TYW1B: variants seen among roughly 807,000 people sequenced by gnomAD.
TYW1B encodes S-adenosyl-L-methionine-dependent tRNA 4-demethylwyosine synthase TYW1B.
Under a neutral mutation model 86.9 loss-of-function variants are expected in TYW1B, and 73 were observed. The observed-to-expected ratio is 0.84, with a 90% CI of 0.70 to 1.02. TYW1B has a LOEUF of 1.02. Ranked by LOEUF, TYW1B falls within the 50% of genes least tolerant of loss-of-function variation. The probability of loss-of-function intolerance (pLI) is 0.00; values close to 1 mark genes in which losing one functional copy is unlikely to be tolerated. For synonymous variants in TYW1B, 248 were observed against 292.8 expected (o/e 0.85, Z 1.56); for missense variants, 637 against 827.4 (o/e 0.77, Z 2.82).
rs1261761886 is a variant in TYW1B at position 72,574,955 on chromosome 7, G to C, written c.*543C>G. The stretch of plus-strand genomic sequence containing the variant: ...AATAAACCAAAACTCAATCTATGCA[G>C]TATTTAAAAAATAATTGAGAGTTGT... On this transcript the variant is annotated 3_prime_UTR_variant, in exon 14 of 14. Coordinates refer to ENST00000620995, the MANE Select transcript of TYW1B (RefSeq NM_001145440.3). The C allele has an allele frequency of 1.0e-6, 1 of 988,254 alleles. No homozygotes were observed. The highest frequency in any genetic ancestry group is 1.2e-6 in the Non-Finnish European group (1 of 831,654). The allele number at this position is 988,254 out of a possible 1,614,324, so 61.2% of individuals were successfully genotyped here. A position where few individuals can be genotyped will look rare whatever the true frequency, so the allele number is the denominator to read the frequency against.
chr7:72,641,401 T>A (rs1812796953), intron 11 of TYW1B, among the ~76,000 whole-genome samples: 3 of 152,172 alleles, frequency 2.0e-5, no homozygotes, highest in South Asian at 4.1e-4. Context: ...ATTATCTTCA[T>A]AACAAACCAG....
chr7:72,770,964 T>C (rs1264028224), intron 7 of TYW1B, among the ~76,000 whole-genome samples: 1 of 127,008 alleles, frequency 7.9e-6, no homozygotes, highest in Non-Finnish European at 1.6e-5. Context: ...TTTTTTTTTT[T>C]TTTTTTTTTT....
chr7:72,745,799 C>A (rs1554463675), intron 7 of TYW1B, among the ~76,000 whole-genome samples: 2 of 151,370 alleles, frequency 1.3e-5, no homozygotes, highest in African/African-American at 4.9e-5. Flanking sequence ...CAACAACGAA[C>A]AAGCAGAAGG....
chr7:72,605,175 C>T (rs1442370429), intron 13 of TYW1B, among the ~76,000 whole-genome samples: 4 of 152,116 alleles, frequency 2.6e-5, no homozygotes, highest in Non-Finnish European at 5.9e-5. Context: ...GCACTGCAAA[C>T]GACCACGAAG....
At chr7:72,642,079 T>C (rs1335158706) in intron 11 of TYW1B, among the ~76,000 whole-genome samples, 2 of 152,186 alleles carry the variant, frequency 1.3e-5, no homozygotes, top group Admixed American at 6.5e-5. Context: ...CCCATACACT[T>C]AGCGGCCAAT....
intron 2 of TYW1B, among the ~76,000 whole-genome samples, chr7:72,819,937 A>T (rs1788795935): frequency 6.6e-6 from 1 of 152,144 alleles, no homozygotes; most frequent in African/African-American, 2.4e-5. Context: ...CAGAAACCCT[A>T]CAATCCAGAA....
At chr7:72,819,145 T>C (rs546532335) in intron 2 of TYW1B, among the ~76,000 whole-genome samples, 8 of 152,066 alleles carry the variant, frequency 5.3e-5, no homozygotes, top group African/African-American at 1.4e-4. Context: ...TGGAGGTTAT[T>C]AAGACTGAAA....
chr7:72,656,992 A>G (rs1237979142), intron 11 of TYW1B, among the ~76,000 whole-genome samples: 1 of 152,198 alleles, frequency 6.6e-6, no homozygotes, highest in Non-Finnish European at 1.5e-5. Context: ...GAGGGGACAA[A>G]CAACCAAACA....
intron 11 of TYW1B, among the ~76,000 whole-genome samples, chr7:72,631,079 T>C (rs1812474879): frequency 6.6e-6 from 1 of 151,796 alleles, no homozygotes. Flanking sequence ...TTAAAAGCCA[T>C]CCCTGCTTTT....
chr7:72,620,041 C>T (rs1225312839), intron 12 of TYW1B, among the ~76,000 whole-genome samples: 1 of 152,150 alleles, frequency 6.6e-6, no homozygotes, highest in Non-Finnish European at 1.5e-5. Context: ...CCACCCATTC[C>T]TTACAACTCT....
intron 7 of TYW1B, among the ~76,000 whole-genome samples, chr7:72,745,878 G>T (rs1787386325): frequency 6.6e-6 from 1 of 151,380 alleles, no homozygotes; most frequent in Non-Finnish European, 1.5e-5. Context: ...GTGTGTGTGT[G>T]TGTGTGTGTG....
intron 13 of TYW1B, among the ~76,000 whole-genome samples, chr7:72,579,272 A>G (rs1375264149): frequency 1.3e-5 from 2 of 152,166 alleles, no homozygotes; most frequent in African/African-American, 4.8e-5. Context: ...TTTGACTCTA[A>G]AACTCTGCTC....
At chr7:72,763,173 A>C (rs1787713583) in intron 7 of TYW1B, among the ~76,000 whole-genome samples, 1 of 151,508 alleles carries the variant, frequency 6.6e-6, no homozygotes, top group Admixed American at 6.6e-5. Flanking sequence ...AAAAACCAAA[A>C]GATTTTATGT....
intron 11 of TYW1B, among the ~76,000 whole-genome samples, chr7:72,648,173 TTAAGA>T (rs1348611310): frequency 1.3e-5 from 2 of 152,170 alleles, no homozygotes; most frequent in Admixed American, 6.5e-5. Context: ...GTATTGATAC[TTAAGA>T]TGAGATTGAT....
At chr7:72,605,070 G>A (rs1811761924) in intron 13 of TYW1B, among the ~76,000 whole-genome samples, 1 of 152,092 alleles carries the variant, frequency 6.6e-6, no homozygotes, top group African/African-American at 2.4e-5. Flanking sequence ...AAACTCAGAA[G>A]GATATTTAAA....
chr7:72,814,603 C>T (rs1470336271), intron 3 of TYW1B, among the ~76,000 whole-genome samples: 4 of 150,400 alleles, frequency 2.7e-5, no homozygotes, highest in Admixed American at 6.6e-5. Context: ...ACAAAAAAAA[C>T]TTTTAAAATT....
At chr7:72,584,227 T>C (rs1811221066) in intron 13 of TYW1B, among the ~76,000 whole-genome samples, 1 of 152,164 alleles carries the variant, frequency 6.6e-6, no homozygotes, top group Admixed American at 6.6e-5. Flanking sequence ...TAATGTTTTG[T>C]AGAGAGACAG....
At chr7:72,743,220 TCTC>T (rs1554462798) in intron 8 of TYW1B, among the ~76,000 whole-genome samples, 1 of 152,118 alleles carries the variant, frequency 6.6e-6, no homozygotes, top group Non-Finnish European at 1.5e-5. Context: ...ATGGTTTACT[TCTC>T]CTACCATCAT....
intron 7 of TYW1B, among the ~76,000 whole-genome samples, chr7:72,753,938 A>G (rs1362825357): frequency 6.6e-6 from 1 of 152,108 alleles, no homozygotes; most frequent in Non-Finnish European, 1.5e-5. Flanking sequence ...TGTGTGGCTC[A>G]CTTTACTGTG....
Sources: gnomAD v4.1 joint callset for allele counts (sites outside exome capture counted in the v4.1 genomes callset) on GRCh38, gnomAD v4.1.1 for gene constraint, MANE v1.5 for transcripts, NCBI Gene and HGNC (gene_info 2026-07-23, HGNC 2026-07-21) for gene names.